The following SPI1 variants were observed in gnomAD, a reference collection of about 807,000 sequenced individuals.
SPI1 encodes the protein Spi-1 proto-oncogene, also known as transcription factor PU.1.
SPI1 carries 3 observed loss-of-function variants against 30.7 expected under a neutral mutation model. That is an observed-to-expected ratio of 0.10 (90% CI 0.04 to 0.25). The LOEUF (loss-of-function observed/expected upper bound fraction) is 0.25, where lower values mean the gene tolerates loss of function less well. Among genes scored for constraint, SPI1 ranks in the 10% least tolerant of loss-of-function variants. The probability of loss-of-function intolerance (pLI) is 1.00; values close to 1 mark genes in which losing one functional copy is unlikely to be tolerated. For synonymous variants in SPI1, 169 were observed against 157.1 expected (o/e 1.08, Z -0.56); for missense variants, 261 against 371.5 (o/e 0.70, Z 2.45).
intron 1 of SPI1, 107 bp downstream of exon 1, chr11:47,378,202 A>G: frequency 8.1e-7 from 1 of 1,232,802 alleles, no homozygotes; most frequent in Non-Finnish European, 1.2e-6. Flanking sequence ...CTGACTTCCC[A>G]CTGATAGCAA....
chr11:47,367,200 G>A (rs564306687), intron 2 of SPI1, among the ~76,000 whole-genome samples: 5 of 152,148 alleles, frequency 3.3e-5, no homozygotes, highest in African/African-American at 1.2e-4. Context: ...GAAATTGGAT[G>A]GATAGATGGA....
chr11:47,356,858 TCA>T (rs1408941087), intron 4 of SPI1, among the ~76,000 whole-genome samples: 14 of 146,140 alleles, frequency 9.6e-5, no homozygotes, highest in South Asian at 4.4e-4. Context: ...ACACACCTGC[TCA>T]CACACATCTC....
At chr11:47,356,457 C>T (rs1045932393) in intron 4 of SPI1, among the ~76,000 whole-genome samples, 2 of 151,344 alleles carry the variant, frequency 1.3e-5, no homozygotes, top group Admixed American at 6.6e-5. Flanking sequence ...CTCAGACCCA[C>T]TTACTGCCCC....
Position 47,360,015 on chromosome 11 carries a change from G to A in SPI1, c.168C>T (p.His56=), listed in dbSNP as rs1314010967. 6.3e-7 allele frequency: 1 copy of A among 1,589,026 alleles called. No homozygotes were observed. Among genetic ancestry groups the A allele is most frequent in the Non-Finnish European group, 8.6e-7 (1 of 1,166,094 alleles). ...HSDHYWDFHP[H]HVHSEFESFA... is the part of the protein sequence containing the mutation. ...AGCTCTCGAACTCGCTGTGCACGTG[G>A]TGGGGGTGGAAGTCCCAGTAATGGT... The change falls in exon 3 of 5, where the codon CAC becomes CAT. Residue 56 remains histidine, a synonymous_variant. Transcript: ENST00000378538.
chr11:47,375,605 A>C lies in SPI1; in HGVS notation c.142+28T>G, dbSNP rs369214523. The C allele has an allele frequency of 8.1e-5, 126 of 1,558,802 alleles. No individual in the cohort carries two copies. Among genetic ancestry groups the C allele is most frequent in the Non-Finnish European group, 1.1e-4 (120 of 1,129,790 alleles). ...CCAGGAGCCCAGGCTGGGCTGGGGG[A>C]TGGGGGCGTGGCAGGCCCCGTACTC... On this transcript the variant is annotated intron_variant, in intron 2 of 4. Coordinates refer to ENST00000378538, the MANE Select transcript of SPI1 (RefSeq NM_003120.3). This position sits in a 1 kb window ranked among gnomAD's most constrained non-coding sequence, Gnocchi z 4.2.
chr11:47,359,864 G>A lies in SPI1; in HGVS notation c.319C>T (p.Leu107Phe). The change falls in exon 3 of 5, where the codon CTT becomes TTT. Residue 107 changes from leucine (L) to phenylalanine (F), a missense_variant. By Grantham distance (22) the Leu-to-Phe change is conservative. Transcript: ENST00000378538. The surrounding 1 kb of genome is among the most constrained non-coding windows in gnomAD (Gnocchi z 5.1). ...GCGGTGGCATGCACCTGGTGGCCAA[G>A]ACTGGGATGGGGTGGCACCATGGGG... ...DTPMVPPHPSLGHQVSYLPRM... is the reference protein window; with the variant it reads ...DTPMVPPHPSFGHQVSYLPRM... 1 of 1,605,882 alleles carries A rather than the reference G, an allele frequency of 6.2e-7. No individual in the cohort carries two copies.
intron 4 of SPI1, 87 bp from the exon 5 acceptor site, chr11:47,355,633 G>T: frequency 8.2e-7 from 1 of 1,226,880 alleles, no homozygotes; most frequent in Non-Finnish European, 1.1e-6. Context: ...GGGGCCCGGG[G>T]ACGGGGTGGC....
chr11:47,355,458 C>T lies in SPI1; in HGVS notation c.582G>A (p.Lys194=). ...DMKDSIWWVD[K]DKGTFQFSSK... ...ACGAGAACTGGAAGGTGCCCTTGTCCTTGTCCACCCACCAGATGCTGTCCT... is the reference window on the plus strand; with the variant it reads ...ACGAGAACTGGAAGGTGCCCTTGTCTTTGTCCACCCACCAGATGCTGTCCT... The change falls in exon 5 of 5, where the codon AAG becomes AAA. Residue 194 remains lysine, a synonymous_variant. Transcript: ENST00000378538. The T allele has an allele frequency of 6.2e-7, 1 of 1,613,612 alleles. No individual in the cohort carries two copies. Among genetic ancestry groups the T allele is most frequent in the Non-Finnish European group, 8.5e-7 (1 of 1,179,666 alleles).
At position 47,355,550 on chromosome 11, in the gene SPI1, C is replaced by A; in HGVS notation, c.494-4G>T. 1 of 1,399,210 alleles carries A rather than the reference C, an allele frequency of 7.1e-7. No individual in the cohort carries two copies. Among genetic ancestry groups the A allele is most frequent in the Non-Finnish European group, 9.5e-7 (1 of 1,050,540 alleles). The allele number at this position is 1,399,210 out of a possible 1,614,324, so 86.7% of individuals were successfully genotyped here. On this transcript the variant is annotated splice_region_variant and splice_polypyrimidine_tract_variant and intron_variant, in intron 4 of 4. Transcript: ENST00000378538. ...AGGCGGATCTTCTTCTTGCTGCCTGCGGGGGGGAGGGCCCGGTGGGAGGGG... is the reference window on the plus strand; with the variant it reads ...AGGCGGATCTTCTTCTTGCTGCCTGAGGGGGGGAGGGCCCGGTGGGAGGGG...
At chr11:47,377,560 TGTCCCAGCCTCAGCCCCCATTCTCAC>T in intron 1 of SPI1, among the ~76,000 whole-genome samples, 1 of 151,844 alleles carries the variant, frequency 6.6e-6, no homozygotes, top group Non-Finnish European at 1.5e-5. Context: ...TCCCTGTCCT[TGTCCCAGCCTCAGCCCCCATTCTCAC>T]TTATCACATG....
rs1031163337 is a variant in SPI1 at position 47,374,282 on chromosome 11, A to C, written c.142+1351T>G. 6.6e-6 allele frequency among the ~76,000 whole-genome samples: 1 copy of C among 152,220 alleles called. No individual in the cohort carries two copies. Among genetic ancestry groups the C allele is most frequent in the East Asian group, 1.9e-4 (1 of 5,204 alleles). ...CCCACCAAGAGGATGTGTTTTTTAC[A>C]TAATTACAAATAAGCTTGAAGGAAT... On this transcript the variant is annotated intron_variant, in intron 2 of 4. Transcript: ENST00000378538. The surrounding 1 kb of genome is among the most constrained non-coding windows in gnomAD (Gnocchi z 4.5).
chr11:47,366,594 G>C (rs768064556), intron 2 of SPI1, among the ~76,000 whole-genome samples: 7 of 151,964 alleles, frequency 4.6e-5, no homozygotes, highest in Non-Finnish European at 8.8e-5. Context: ...GAGGCAGGTG[G>C]ATCAACTGAC....
chr11:47,358,681 GAC>G, intron 4 of SPI1, 161 bp downstream of exon 4: 1 of 755,968 alleles, frequency 1.3e-6, no homozygotes, highest in East Asian at 2.7e-5. Flanking sequence ...CACACACAGA[GAC>G]AGCCACAGAC....
chr11:47,378,241 G>A, intron 1 of SPI1, 68 bp downstream of exon 1: 4 of 1,539,822 alleles, frequency 2.6e-6, no homozygotes, highest in East Asian at 2.3e-5. Flanking sequence ...GGGCTGGCGG[G>A]TTCGTGGGCA....
At chr11:47,366,172 G>C (rs752857932) in intron 2 of SPI1, among the ~76,000 whole-genome samples, 1 of 152,172 alleles carries the variant, frequency 6.6e-6, no homozygotes, top group Middle Eastern at 3.4e-3. Context: ...CAGCCAGCCA[G>C]AAATGACCCA....
At chr11:47,371,212 T>C (rs940826917) in intron 2 of SPI1, among the ~76,000 whole-genome samples, 2 of 149,654 alleles carry the variant, frequency 1.3e-5, no homozygotes, top group East Asian at 4.0e-4. Flanking sequence ...TACAAAAAAC[T>C]AGCTGGGCAT....
chr11:47,376,504 C>T (rs1175440647), intron 1 of SPI1, among the ~76,000 whole-genome samples: 1 of 151,902 alleles, frequency 6.6e-6, no homozygotes, highest in Non-Finnish European at 1.5e-5. Flanking sequence ...GGCCTTGATC[C>T]CCTCACTCTC....
At chr11:47,367,073 T>C (rs1272708364) in intron 2 of SPI1, among the ~76,000 whole-genome samples, 1 of 152,090 alleles carries the variant, frequency 6.6e-6, no homozygotes, top group East Asian at 1.9e-4. Context: ...ATGGAGGGCT[T>C]GGTAGGTAGA....
At chr11:47,376,844 C>T (rs771408396) in intron 1 of SPI1, among the ~76,000 whole-genome samples, 9 of 152,164 alleles carry the variant, frequency 5.9e-5, no homozygotes, top group Non-Finnish European at 1.2e-4. Flanking sequence ...CCCACCCTAC[C>T]AGGAGACACT....
Sources: gnomAD v4.1 joint callset for allele counts (sites outside exome capture counted in the v4.1 genomes callset) on GRCh38, gnomAD v4.1.1 for gene constraint, Gnocchi (gnomAD v3.1) non-coding constraint, MANE v1.5 for transcripts, NCBI Gene and HGNC (gene_info 2026-07-23, HGNC 2026-07-21) for gene names.